Variants in DPP10 observed in about 807,000 individuals in gnomAD.
The protein encoded by DPP10 is dipeptidyl peptidase like 10.
Under a neutral mutation model 120.9 loss-of-function variants are expected in DPP10, and 33 were observed. That is an observed-to-expected ratio of 0.27 (90% CI 0.21 to 0.37). The LOEUF (loss-of-function observed/expected upper bound fraction) is 0.37. Among genes scored for constraint, DPP10 ranks in the 10% least tolerant of loss-of-function variants. The pLI is 1.00. For missense variants in DPP10, 816 were observed against 942.8 expected (o/e 0.87, Z 1.76); for synonymous variants, 337 against 326.1 (o/e 1.03, Z -0.36).
chr2:115,151,224 TTAA>T (rs2051528594), intron 1 of DPP10, among the ~76,000 whole-genome samples: 1 of 152,150 alleles, frequency 6.6e-6, no homozygotes, highest in African/African-American at 2.4e-5. Flanking sequence ...GTTGGAAAGT[TTAA>T]TAATAATAAT....
intron 1 of DPP10, among the ~76,000 whole-genome samples, chr2:114,578,439 A>G (rs1488794915): frequency 1.3e-5 from 2 of 152,178 alleles, no homozygotes; most frequent in East Asian, 3.9e-4. Context: ...TTTCAGTTAC[A>G]TCCTAGATTA....
chr2:115,407,792 A>G (rs2068634098), intron 3 of DPP10, among the ~76,000 whole-genome samples: 1 of 152,138 alleles, frequency 6.6e-6, no homozygotes, highest in Non-Finnish European at 1.5e-5. Flanking sequence ...CCCAGTTTGG[A>G]GGATGCATAT....
intron 21 of DPP10, among the ~76,000 whole-genome samples, chr2:115,827,645 G>T (rs1688514505): frequency 6.6e-6 from 1 of 151,026 alleles, no homozygotes. Flanking sequence ...GCCCAGGCTG[G>T]AGTGCAATGG....
At chr2:114,573,829 A>C (rs376631212) in intron 1 of DPP10, among the ~76,000 whole-genome samples, 1 of 152,192 alleles carries the variant, frequency 6.6e-6, no homozygotes, top group East Asian at 1.9e-4. Flanking sequence ...ATATTAACTA[A>C]AAAGTAATTG....
chr2:115,804,286 T>A (rs1685640860), intron 19 of DPP10, among the ~76,000 whole-genome samples: 1 of 152,196 alleles, frequency 6.6e-6, no homozygotes, highest in African/African-American at 2.4e-5. Flanking sequence ...CTCCAACAGG[T>A]CCTTTAAGGA....
At chr2:115,582,797 G>C (rs1328271633) in intron 5 of DPP10, among the ~76,000 whole-genome samples, 1 of 152,024 alleles carries the variant, frequency 6.6e-6, no homozygotes, top group African/African-American at 2.4e-5. Flanking sequence ...AAATGTCTCG[G>C]GGTTGTTAAT....
chr2:115,738,340 C>T (rs901223066), intron 8 of DPP10, among the ~76,000 whole-genome samples: 1 of 152,114 alleles, frequency 6.6e-6, no homozygotes, highest in African/African-American at 2.4e-5. Flanking sequence ...TGGTTTCAAG[C>T]TTTCTTTTTT....
chr2:115,763,125 AG>A (rs1680309858), intron 12 of DPP10, among the ~76,000 whole-genome samples: 1 of 152,216 alleles, frequency 6.6e-6, no homozygotes. Flanking sequence ...ACAATTCAGA[AG>A]GAAACAACAC....
intron 1 of DPP10, among the ~76,000 whole-genome samples, chr2:115,172,499 T>C (rs1195380502): frequency 2.0e-5 from 3 of 152,056 alleles, no homozygotes; most frequent in African/African-American, 7.2e-5. Context: ...AATAAATAAG[T>C]CCATGAGGAT....
At chr2:114,993,868 A>G (rs1449987172) in intron 1 of DPP10, among the ~76,000 whole-genome samples, 1 of 152,100 alleles carries the variant, frequency 6.6e-6, no homozygotes, top group African/African-American at 2.4e-5. Flanking sequence ...TTGAAGTCCA[A>G]ATTGACTGCA....
At chr2:115,425,045 G>A (rs1161416303) in intron 3 of DPP10, among the ~76,000 whole-genome samples, 1 of 152,168 alleles carries the variant, frequency 6.6e-6, no homozygotes. Context: ...CTGAAATGCA[G>A]ATAGCTTTCT....
intron 5 of DPP10, among the ~76,000 whole-genome samples, chr2:115,547,936 C>T (rs1575149574): frequency 1.3e-5 from 2 of 152,182 alleles, no homozygotes; most frequent in East Asian, 3.9e-4. Flanking sequence ...TTTAGATATT[C>T]AAATGCATTT....
Position 114,711,401 on chromosome 2 carries a change from G to A in DPP10, c.60+268563G>A, listed in dbSNP as rs181701905. 1.4e-3 allele frequency among the ~76,000 whole-genome samples: 213 copies of A among 152,312 alleles called. 2 individuals are homozygous for A. The highest frequency in any genetic ancestry group is 2.6e-3 in the Non-Finnish European group (174 of 68,016). On this transcript the variant is annotated intron_variant, in intron 1 of 25. Coordinates refer to ENST00000410059, the MANE Select transcript of DPP10 (RefSeq NM_020868.6). Reference sequence around the variant, plus strand: ...AGATTCAGGGGAGTGGAGAGTTTGAGAAAATGGGTTCAGGATCCAGCTGCC... The same window carrying A: ...AGATTCAGGGGAGTGGAGAGTTTGAAAAAATGGGTTCAGGATCCAGCTGCC...
At chr2:114,817,846 A>G (rs898181011) in intron 1 of DPP10, among the ~76,000 whole-genome samples, 1 of 152,232 alleles carries the variant, frequency 6.6e-6, no homozygotes, top group Non-Finnish European at 1.5e-5. Flanking sequence ...ATGTGAATGC[A>G]GCAGAAAATA....
chr2:115,471,644 T>A (rs1051253748), intron 3 of DPP10, among the ~76,000 whole-genome samples: 2 of 151,964 alleles, frequency 1.3e-5, no homozygotes, highest in African/African-American at 2.4e-5. Flanking sequence ...TGGAGTGCAG[T>A]GGCATGATCA....
intron 3 of DPP10, among the ~76,000 whole-genome samples, chr2:115,411,068 G>T (rs1473700996): frequency 6.6e-6 from 1 of 152,122 alleles, no homozygotes; most frequent in East Asian, 1.9e-4. Flanking sequence ...AGTAGCTCAT[G>T]CCTGTAATCC....
chr2:115,417,803 A>T (rs1230208199), intron 3 of DPP10, among the ~76,000 whole-genome samples: 2 of 152,164 alleles, frequency 1.3e-5, no homozygotes, highest in Non-Finnish European at 2.9e-5. Flanking sequence ...TTCAGTTAAA[A>T]CATTTGTCTT....
intron 1 of DPP10, among the ~76,000 whole-genome samples, chr2:115,104,398 T>C (rs2048848340): frequency 6.6e-6 from 1 of 152,084 alleles, no homozygotes. Context: ...GAGTGAGATA[T>C]TACTTACATC....
intron 3 of DPP10, among the ~76,000 whole-genome samples, chr2:115,463,024 C>T (rs1289546297): frequency 6.6e-6 from 1 of 152,148 alleles, no homozygotes; most frequent in East Asian, 1.9e-4. Flanking sequence ...GCTGCTGCGC[C>T]CAGCCTATAA....
Sources: allele counts gnomAD v4.1 joint callset (sites outside exome capture counted in the v4.1 genomes callset), GRCh38; gene constraint gnomAD v4.1.1; transcripts MANE v1.5; gene names NCBI Gene and HGNC (gene_info 2026-07-23, HGNC 2026-07-21).